The following AGBL4 variants were observed in gnomAD, a reference collection of about 807,000 sequenced individuals.
AGBL4 encodes the protein AGBL carboxypeptidase 4.
Under a neutral mutation model 66.4 loss-of-function variants are expected in AGBL4, and 58 were observed. That is an observed-to-expected ratio of 0.87 (90% CI 0.71 to 1.09). AGBL4 has a LOEUF of 1.09. AGBL4 is among the 50% of genes least tolerant of loss of function. The pLI, the probability that AGBL4 is intolerant of heterozygous loss-of-function variation, is 0.00. For missense variants in AGBL4, 579 were observed against 631.0 expected (o/e 0.92, Z 0.88); for synonymous variants, 234 against 222.9 (o/e 1.05, Z -0.44).
At chr1:49,650,390 C>T (rs182916583) in intron 3 of AGBL4, among the ~76,000 whole-genome samples, 16 of 152,262 alleles carry the variant, frequency 1.1e-4, no homozygotes, top group East Asian at 3.9e-4. Flanking sequence ...AAACTGCTGA[C>T]GACTAAATTG....
intron 11 of AGBL4, among the ~76,000 whole-genome samples, chr1:48,540,811 C>A (rs1201988167): frequency 6.6e-6 from 1 of 152,160 alleles, no homozygotes; most frequent in Admixed American, 6.5e-5. Context: ...CTAGAATAGG[C>A]CAGCATCATC....
intron 4 of AGBL4, among the ~76,000 whole-genome samples, chr1:49,161,285 G>C (rs1048391371): frequency 6.6e-6 from 1 of 152,170 alleles, no homozygotes; most frequent in Non-Finnish European, 1.5e-5. Flanking sequence ...GTCCCTCACA[G>C]CTTCCCTTGG....
At chr1:49,705,928 C>T (rs1476662910) in intron 2 of AGBL4, among the ~76,000 whole-genome samples, 1 of 152,128 alleles carries the variant, frequency 6.6e-6, no homozygotes, top group Non-Finnish European at 1.5e-5. Flanking sequence ...TTTCAATGTG[C>T]TGCTGGATTC....
chr1:48,712,151 C>A (rs2148519353), intron 6 of AGBL4, among the ~76,000 whole-genome samples: 1 of 152,324 alleles, frequency 6.6e-6, no homozygotes, highest in African/African-American at 2.4e-5. Context: ...GGGGCCCATT[C>A]CCTTTCCTGA....
intron 4 of AGBL4, among the ~76,000 whole-genome samples, chr1:49,243,454 G>C (rs1651396302): frequency 6.6e-6 from 1 of 151,696 alleles, no homozygotes; most frequent in Non-Finnish European, 1.5e-5. Context: ...AGATAGGCTT[G>C]GGTGTAGGTA....
Position 49,471,417 on chromosome 1 carries a change from T to C in AGBL4, c.283-225553A>G, listed in dbSNP as rs564832523. ...ATTCAGGAGCCTGCTTCTAGGAAGA[T>C]GGAGCACATGTATGTTTCCCTAATT... On this transcript the variant is annotated intron_variant, in intron 3 of 13. Coordinates refer to ENST00000371839, the MANE Select transcript of AGBL4 (RefSeq NM_032785.4). Among the ~76,000 whole-genome samples the C allele has an allele frequency of 2.0e-5, 3 of 152,096 alleles. No homozygotes were observed. The East Asian group carries it at 5.8e-4, about 30-fold the overall frequency.
chr1:49,799,321 A>G (rs540283620), intron 2 of AGBL4, among the ~76,000 whole-genome samples: 62 of 152,302 alleles, frequency 4.1e-4, no homozygotes, highest in African/African-American at 1.4e-3. Context: ...CAGCTCTGGG[A>G]GATTTTCCAA....
intron 3 of AGBL4, among the ~76,000 whole-genome samples, chr1:49,333,199 G>C (rs1478799864): frequency 6.6e-6 from 1 of 151,916 alleles, no homozygotes; most frequent in East Asian, 1.9e-4. Flanking sequence ...AATAATAAAG[G>C]CTGGGCGCAG....
intron 1 of AGBL4, among the ~76,000 whole-genome samples, chr1:49,907,582 A>G (rs1650394879): frequency 6.6e-6 from 1 of 152,192 alleles, no homozygotes; most frequent in African/African-American, 2.4e-5. Flanking sequence ...CCTACATGCT[A>G]TATGATTCCA....
intron 5 of AGBL4, among the ~76,000 whole-genome samples, chr1:48,996,594 T>C (rs1661011172): frequency 6.6e-6 from 1 of 152,140 alleles, no homozygotes; most frequent in Non-Finnish European, 1.5e-5. Context: ...AACAGGGAAA[T>C]GACCATTAGA....
At chr1:49,278,259 C>A (rs991770594) in intron 3 of AGBL4, among the ~76,000 whole-genome samples, 15 of 152,008 alleles carry the variant, frequency 9.9e-5, no homozygotes, top group Non-Finnish European at 1.8e-4. Flanking sequence ...TATCTCCTCT[C>A]CTTTGGAATC....
At chr1:49,508,199 T>A (rs1648872194) in intron 3 of AGBL4, among the ~76,000 whole-genome samples, 1 of 152,008 alleles carries the variant, frequency 6.6e-6, no homozygotes, top group Non-Finnish European at 1.5e-5. Flanking sequence ...CAGAACCTCA[T>A]AATTAAGAGT....
intron 4 of AGBL4, among the ~76,000 whole-genome samples, chr1:49,128,758 A>C (rs1645819210): frequency 6.6e-6 from 1 of 152,078 alleles, no homozygotes; most frequent in Admixed American, 6.6e-5. Flanking sequence ...TAAACTGTAA[A>C]ATTTCTGGAA....
At chr1:49,623,582 G>C (rs1404335189) in intron 3 of AGBL4, among the ~76,000 whole-genome samples, 2 of 152,144 alleles carry the variant, frequency 1.3e-5, no homozygotes, top group African/African-American at 2.4e-5. Context: ...TACCCGGATG[G>C]TTCTGCTACT....
intron 1 of AGBL4, among the ~76,000 whole-genome samples, chr1:49,908,085 G>A (rs1038218133): frequency 6.6e-6 from 1 of 152,104 alleles, no homozygotes; most frequent in Non-Finnish European, 1.5e-5. Context: ...TTAAGAAAGT[G>A]TCTCAAGGCC....
intron 1 of AGBL4, among the ~76,000 whole-genome samples, chr1:49,959,387 G>A (rs1165514842): frequency 6.6e-6 from 1 of 152,000 alleles, no homozygotes; most frequent in African/African-American, 2.4e-5. Flanking sequence ...TTCAGATCCT[G>A]GATATTTTGA....
chr1:48,957,983 G>A (rs1657625697), intron 5 of AGBL4, among the ~76,000 whole-genome samples: 1 of 151,920 alleles, frequency 6.6e-6, no homozygotes, highest in Admixed American at 6.5e-5. Flanking sequence ...AATGACTTCT[G>A]CAGGCTTGTT....
intron 4 of AGBL4, among the ~76,000 whole-genome samples, chr1:49,066,326 G>C (rs926114008): frequency 1.3e-5 from 2 of 152,158 alleles, no homozygotes; most frequent in Non-Finnish European, 2.9e-5. Context: ...GGCCAAGGTG[G>C]GCAGATCATG....
At chr1:48,907,024 G>A (rs1268162205) in intron 5 of AGBL4, among the ~76,000 whole-genome samples, 13 of 152,162 alleles carry the variant, frequency 8.5e-5, no homozygotes, top group Admixed American at 7.9e-4. Flanking sequence ...GTGACATCTG[G>A]GATGCCACTT....
Sources: gnomAD v4.1 joint callset for allele counts (sites outside exome capture counted in the v4.1 genomes callset) on GRCh38, gnomAD v4.1.1 for gene constraint, MANE v1.5 for transcripts, NCBI Gene and HGNC (gene_info 2026-07-23, HGNC 2026-07-21) for gene names.